The following POSTN variants were observed in gnomAD, a reference collection of about 807,000 sequenced individuals.
POSTN encodes the protein periostin, also known as osteoblast specific factor 2 (fasciclin I-like).
POSTN carries 71 observed loss-of-function variants against 104.5 expected under a neutral mutation model. The observed-to-expected ratio is 0.68, with a 90% confidence interval of 0.56 to 0.83. POSTN has a LOEUF of 0.83. POSTN is among the 40% of genes least tolerant of loss of function. The pLI, the probability that POSTN is intolerant of heterozygous loss-of-function variation, is 0.00. For missense variants in POSTN, 949 were observed against 1,006.8 expected, an observed-to-expected ratio of 0.94 and a Z score of 0.78; for synonymous variants, 355 against 340.7, an observed-to-expected ratio of 1.04 and a Z score of -0.46.
chr13:37,568,973 G>A (rs953887411), intron 21 of POSTN: 62 of 171,082 alleles, frequency 3.6e-4, no homozygotes, highest in African/African-American at 1.4e-3. Context: ...ATCAAATTTG[G>A]GCTTGTTTAA....
Position 37,584,808 on chromosome 13 carries a change from G to A in POSTN, c.1016C>T (p.Thr339Ile), listed in dbSNP as rs9594223. ...GTTCACCATTTTGATTCCATTTACT[G>A]TTATACTGTCACCGTCACATCCTAT... ...IEIGCDGDSI[T>I]VNGIKMVNKK... Residue 339 changes from threonine (T) to isoleucine (I), a missense_variant, in exon 8 of 23, where the codon ACA becomes ATA. By Grantham distance (89) the Thr-to-Ile change is moderately conservative. Coordinates refer to ENST00000379747, the MANE Select transcript of POSTN (RefSeq NM_006475.3). 8.2e-4 allele frequency: 1,327 copies of A among 1,613,814 alleles called. 3 individuals carry two copies. The African/African-American group carries it at 0.015, about 18-fold the overall frequency.
At chr13:37,571,101 C>T (rs546216016) in intron 18 of POSTN, 126 of 356,308 alleles carry the variant, frequency 3.5e-4, no homozygotes, top group Non-Finnish European at 6.0e-4. Context: ...TTTTATTCCA[C>T]AATCCTCACT....
Position 37,582,519 on chromosome 13 carries a change from A to G in POSTN, c.1244-5T>C, listed in dbSNP as rs776486755. On this transcript the variant is annotated splice_polypyrimidine_tract_variant and splice_region_variant and intron_variant, in intron 9 of 22. Coordinates refer to ENST00000379747, the MANE Select transcript of POSTN (RefSeq NM_006475.3). Reference sequence around the variant, plus strand: ...GATCCATGCTGAGAGTATCATCTGTAAATAAATTCATTAAGAAAGAGCATT... The same window carrying G: ...GATCCATGCTGAGAGTATCATCTGTGAATAAATTCATTAAGAAAGAGCATT... The G allele has an allele frequency of 6.3e-7, 1 of 1,587,312 alleles. No homozygotes were observed. The highest frequency in any genetic ancestry group is 1.9e-5 in the Admixed American group (1 of 52,856).
At chr13:37,594,721 T>C (rs1357889627) in intron 2 of POSTN, among the ~76,000 whole-genome samples, 1 of 151,464 alleles carries the variant, frequency 6.6e-6, no homozygotes, top group Non-Finnish European at 1.5e-5. Context: ...CGTTTTTCAT[T>C]AGGCCTGCTC....
chr13:37,596,205 G>T (rs1951081175), intron 2 of POSTN, among the ~76,000 whole-genome samples: 1 of 152,152 alleles, frequency 6.6e-6, no homozygotes, highest in Non-Finnish European at 1.5e-5. Context: ...GATGTATTAA[G>T]CAGGTTCTTC....
chr13:37,566,082 C>G (rs1950090574), intron 21 of POSTN, among the ~76,000 whole-genome samples: 1 of 151,982 alleles, frequency 6.6e-6, no homozygotes, highest in East Asian at 1.9e-4. Context: ...TGATAATATT[C>G]CAGAATAAAA....
chr13:37,596,274 A>G (rs2138413547), intron 2 of POSTN, among the ~76,000 whole-genome samples: 1 of 152,258 alleles, frequency 6.6e-6, no homozygotes, highest in Middle Eastern at 3.4e-3. Context: ...AATTAATAGG[A>G]AGCAGGAAGG....
intron 3 of POSTN, among the ~76,000 whole-genome samples, chr13:37,591,851 T>C (rs1276911226): frequency 6.6e-6 from 1 of 152,202 alleles, no homozygotes; most frequent in Non-Finnish European, 1.5e-5. Flanking sequence ...GTTTTGTTCC[T>C]GAAGGGAAGC....
chr13:37,587,754 T>C, intron 5 of POSTN, 68 bp downstream of exon 5: 2 of 1,212,266 alleles, frequency 1.6e-6, no homozygotes, highest in Non-Finnish European at 1.2e-6. Context: ...GTGAGCATTA[T>C]ATAAAAAGTA....
chr13:37,591,030 C>A lies in POSTN; in HGVS notation c.284-501G>T, dbSNP rs533205140. 2.0e-5 allele frequency among the ~76,000 whole-genome samples: 3 copies of A among 151,768 alleles called. No homozygotes were observed. In the East Asian group the frequency reaches 5.8e-4, roughly 29 times the overall value. On this transcript the variant is annotated intron_variant, in intron 3 of 22. Transcript: ENST00000379747. ...CTGAAGGGATTTATCTGGTAATGTG[C>A]AGTCAACTTATTTTTTCTGACCCTA... is the stretch of plus-strand genomic sequence containing the variant.
chr13:37,593,748 A>G (rs141833619), intron 2 of POSTN, among the ~76,000 whole-genome samples: 76 of 151,690 alleles, frequency 5.0e-4, no homozygotes, highest in African/African-American at 1.6e-3. Flanking sequence ...TAAAAATGAT[A>G]AAAGCAAACT....
chr13:37,594,482 C>T (rs1311309585), intron 2 of POSTN, among the ~76,000 whole-genome samples: 3 of 150,832 alleles, frequency 2.0e-5, no homozygotes, highest in African/African-American at 7.3e-5. Flanking sequence ...TTATGCTACC[C>T]AAAACTCAAT....
intron 10 of POSTN, 87 bp downstream of exon 10, chr13:37,582,279 C>T (rs1950615261): frequency 1.4e-6 from 2 of 1,418,778 alleles, no homozygotes; most frequent in Non-Finnish European, 1.9e-6. Context: ...TAGAACCACA[C>T]TCATAAAATT....
Position 37,596,396 on chromosome 13 carries a change from C to T in POSTN, c.218+788G>A, listed in dbSNP as rs192445852. On this transcript the variant is annotated intron_variant, in intron 2 of 22. Transcript: ENST00000379747. ...ATTGTAAAATAAAGACTTTGGATCA[C>T]AGGAGTGGTTCTTGACCTTAATAAG... Among the ~76,000 whole-genome samples the T allele has an allele frequency of 1.6e-4, 24 of 152,204 alleles. No individual in the cohort carries two copies. In the East Asian group the frequency reaches 4.7e-3, roughly 29 times the overall value.
chr13:37,585,551 T>C (rs984978938), intron 7 of POSTN, among the ~76,000 whole-genome samples: 33 of 152,186 alleles, frequency 2.2e-4, no homozygotes, highest in Admixed American at 2.0e-3. Context: ...CAAATAAAGA[T>C]GATTCATTGA....
At chr13:37,591,360 C>G (rs1233932298) in intron 3 of POSTN, among the ~76,000 whole-genome samples, 1 of 152,084 alleles carries the variant, frequency 6.6e-6, no homozygotes, top group East Asian at 1.9e-4. Context: ...AACATGGTTA[C>G]CAATGACATT....
At chr13:37,577,982 T>C (rs1290592342) in intron 15 of POSTN, among the ~76,000 whole-genome samples, 184 bp from the exon 16 acceptor site, 1 of 148,890 alleles carries the variant, frequency 6.7e-6, no homozygotes, top group Non-Finnish European at 1.5e-5. Context: ...ATAAAAATCA[T>C]TGGATTCATT....
chr13:37,572,242 C>G (rs1314654846), intron 17 of POSTN, among the ~76,000 whole-genome samples: 3 of 151,390 alleles, frequency 2.0e-5, no homozygotes, highest in Admixed American at 2.0e-4. Context: ...TAATAGCCTT[C>G]AATAGTGGAA....
chr13:37,587,491 G>A (rs1038183179), intron 5 of POSTN, among the ~76,000 whole-genome samples: 1 of 152,052 alleles, frequency 6.6e-6, no homozygotes, highest in Non-Finnish European at 1.5e-5. Context: ...GTAGCTAGAG[G>A]GGGAGTAAAA....
Sources: gnomAD v4.1 joint callset for allele counts (sites outside exome capture counted in the v4.1 genomes callset) on GRCh38, gnomAD v4.1.1 for gene constraint, MANE v1.5 for transcripts, NCBI Gene and HGNC (gene_info 2026-07-23, HGNC 2026-07-21) for gene names.